CMIP: variants seen among roughly 807,000 people sequenced by gnomAD.
CMIP encodes the protein c-Maf inducing protein.
Under a neutral mutation model 97.3 loss-of-function variants are expected in CMIP, and 13 were observed. That is an observed-to-expected ratio of 0.13 (90% CI 0.09 to 0.21). The LOEUF (loss-of-function observed/expected upper bound fraction) is 0.21, where lower values mean the gene tolerates loss of function less well. Among genes scored for constraint, CMIP ranks in the 10% least tolerant of loss-of-function variants. The pLI is 1.00. For missense variants in CMIP, 847 were observed against 1,024.9 expected (o/e 0.83, Z 2.37); for synonymous variants, 538 against 436.3 (o/e 1.23, Z -2.91).
chr16:81,454,234 T>C (rs903417334), intron 1 of CMIP, among the ~76,000 whole-genome samples: 2 of 152,230 alleles, frequency 1.3e-5, no homozygotes, highest in Non-Finnish European at 2.9e-5. Flanking sequence ...CCGGGCACAG[T>C]GCTCATTTAA....
chr16:81,520,948 G>T (rs988934775), intron 1 of CMIP, among the ~76,000 whole-genome samples: 1 of 152,194 alleles, frequency 6.6e-6, no homozygotes, highest in Non-Finnish European at 1.5e-5. Context: ...GGAGCTCCCT[G>T]GGTTTCGCAT....
chr16:81,481,046 C>T (rs190833805), intron 1 of CMIP, among the ~76,000 whole-genome samples: 3 of 152,350 alleles, frequency 2.0e-5, no homozygotes, highest in Admixed American at 2.0e-4. Context: ...AAGCTGTGCA[C>T]ACCTCAGGGC....
chr16:81,709,145 C>T (rs1908477390), intron 20 of CMIP, among the ~76,000 whole-genome samples: 1 of 152,186 alleles, frequency 6.6e-6, no homozygotes, highest in Non-Finnish European at 1.5e-5. Context: ...TCGAGTAATG[C>T]ATCCAGCCTA....
intron 11 of CMIP, among the ~76,000 whole-genome samples, chr16:81,692,880 C>T (rs1337073683): frequency 6.6e-6 from 1 of 152,212 alleles, no homozygotes; most frequent in Non-Finnish European, 1.5e-5. Context: ...CATGCTCAGG[C>T]AGCAGCTTAG....
At chr16:81,545,609 G>T (rs2090531223) in intron 1 of CMIP, among the ~76,000 whole-genome samples, 1 of 152,176 alleles carries the variant, frequency 6.6e-6, no homozygotes, top group South Asian at 2.1e-4. Flanking sequence ...AAGTGACTTG[G>T]TCCAGACCAC....
intron 1 of CMIP, among the ~76,000 whole-genome samples, chr16:81,536,594 A>T (rs1057060421): frequency 6.6e-6 from 1 of 152,148 alleles, no homozygotes; most frequent in Non-Finnish European, 1.5e-5. Context: ...TAAATGCAGA[A>T]TTAGGGTTGG....
intron 3 of CMIP, among the ~76,000 whole-genome samples, chr16:81,638,076 A>T (rs1385114032): frequency 6.6e-6 from 1 of 152,122 alleles, no homozygotes; most frequent in African/African-American, 2.4e-5. Context: ...TTGAAGATAC[A>T]AACATTCAGA....
intron 1 of CMIP, among the ~76,000 whole-genome samples, chr16:81,469,973 A>C (rs1334171859): frequency 6.6e-6 from 1 of 152,190 alleles, no homozygotes; most frequent in Non-Finnish European, 1.5e-5. Flanking sequence ...GGTAAAGAGC[A>C]GGCCTCAGTG....
chr16:81,506,465 T>C (rs1208431522), intron 1 of CMIP, among the ~76,000 whole-genome samples: 1 of 152,234 alleles, frequency 6.6e-6, no homozygotes, highest in Non-Finnish European at 1.5e-5. Context: ...AATTTATTGT[T>C]TTTTAAAGAA....
chr16:81,579,166 A>G (rs2091253536), intron 1 of CMIP, among the ~76,000 whole-genome samples: 1 of 152,102 alleles, frequency 6.6e-6, no homozygotes, highest in African/African-American at 2.4e-5. Context: ...CCTGCCTCCT[A>G]GGGCTATTGC....
rs62043836 is a variant in CMIP at position 81,655,577 on chromosome 16, G to T, written c.640-2198G>T. ...GAGAAGGCTCCCTGTAGAATGCATGGGCTGTCCTGTGACTGGGACAAAGGA... is the reference window on the plus strand; with the variant it reads ...GAGAAGGCTCCCTGTAGAATGCATGTGCTGTCCTGTGACTGGGACAAAGGA... On this transcript the variant is annotated intron_variant, in intron 4 of 20. Coordinates refer to ENST00000537098, the MANE Select transcript of CMIP (RefSeq NM_198390.3). The surrounding 1 kb of genome is among the most constrained non-coding windows in gnomAD (Gnocchi z 4.9). 0.019 allele frequency among the ~76,000 whole-genome samples: 2,835 copies of T among 152,262 alleles called. 69 individuals are homozygous for T. Among genetic ancestry groups the T allele is most frequent in the Non-Finnish European group, 0.024 (1,607 of 68,022 alleles).
intron 9 of CMIP, among the ~76,000 whole-genome samples, chr16:81,676,703 T>C (rs1037320854): frequency 6.6e-6 from 1 of 152,208 alleles, no homozygotes; most frequent in Non-Finnish European, 1.5e-5. Flanking sequence ...TGGGCTCAGC[T>C]CAGGCCTGGT....
chr16:81,639,252 A>T (rs1342919109), intron 3 of CMIP, among the ~76,000 whole-genome samples: 1 of 152,190 alleles, frequency 6.6e-6, no homozygotes, highest in African/African-American at 2.4e-5. Context: ...TGGAGATCTT[A>T]AATATTCTCT....
At chr16:81,703,460 C>G (rs746181989) in intron 17 of CMIP, among the ~76,000 whole-genome samples, 2 of 152,034 alleles carry the variant, frequency 1.3e-5, no homozygotes, top group African/African-American at 2.4e-5. Flanking sequence ...GTCACACACC[C>G]TGATGCACAG....
chr16:81,559,211 A>G (rs1197530905), intron 1 of CMIP, among the ~76,000 whole-genome samples: 3 of 152,172 alleles, frequency 2.0e-5, no homozygotes, highest in Non-Finnish European at 4.4e-5. Context: ...AGCAAACCAG[A>G]CAGTTTGATA....
rs767379983 is a variant in CMIP at position 81,703,983 on chromosome 16, C to A, written c.1989C>A (p.Asn663Lys). The change falls in exon 18 of 21, where the codon AAC (asparagine) becomes AAA (lysine). Residue 663 changes from asparagine to lysine, a missense_variant. Transcript: ENST00000537098. The part of the protein sequence containing the change: ...ARLLSSGSFG[N>K]LENLSLAFTN... ...TGCTGAGCTCCGGCTCCTTCGGAAA[C>A]CTGGAGAACCTCAGTTTGGCCTTCA... The A allele has an allele frequency of 6.2e-7, 1 of 1,600,430 alleles. No individual in the cohort carries two copies. Among genetic ancestry groups the A allele is most frequent in the South Asian group, 1.1e-5 (1 of 88,870 alleles).
At chr16:81,615,972 G>C (rs911576512) in intron 2 of CMIP, among the ~76,000 whole-genome samples, 2 of 152,080 alleles carry the variant, frequency 1.3e-5, no homozygotes, top group African/African-American at 4.8e-5. Context: ...GGGGTGGGGA[G>C]GGGACCACGG....
intron 1 of CMIP, among the ~76,000 whole-genome samples, chr16:81,607,209 A>T (rs937643048): frequency 6.6e-6 from 1 of 152,160 alleles, no homozygotes; most frequent in Middle Eastern, 3.2e-3. Context: ...TCTGGGCAGG[A>T]GAAGGTGGTG....
intron 2 of CMIP, among the ~76,000 whole-genome samples, chr16:81,612,542 C>CTTTCTTACTTAAGTTTCTTAAGTTT (rs2091849001): frequency 6.6e-6 from 1 of 152,198 alleles, no homozygotes. Context: ...AGCTCCTTTT[C>CTTTCTTACTTAAGTTTCTTAAGTTT]CCTAAGAAAC....
Sources: gnomAD v4.1 joint callset for allele counts (sites outside exome capture counted in the v4.1 genomes callset) on GRCh38, gnomAD v4.1.1 for gene constraint, Gnocchi (gnomAD v3.1) non-coding constraint, MANE v1.5 for transcripts, NCBI Gene and HGNC (gene_info 2026-07-23, HGNC 2026-07-21) for gene names.